Variants in PARD3B observed in about 807,000 individuals in gnomAD.
PARD3B encodes partitioning defective 3 homolog B.
PARD3B carries 103 observed loss-of-function variants against 130.2 expected under a neutral mutation model. The observed-to-expected ratio is 0.79, with a 90% CI of 0.67 to 0.93. The LOEUF (loss-of-function observed/expected upper bound fraction) is 0.93, where lower values mean the gene tolerates loss of function less well. PARD3B is among the 40% of genes least tolerant of loss of function. The pLI is 0.00. For synonymous variants in PARD3B, 583 were observed against 553.2 expected (o/e 1.05, Z -0.76); for missense variants, 1,609 against 1,499.2 (o/e 1.07, Z -1.21).
In PARD3B at chr2:205,575,625, A is replaced by G. The variant is rs1313442006; in HGVS notation, c.3260+22222A>G. 1.3e-5 allele frequency among the ~76,000 whole-genome samples: 2 copies of G among 152,072 alleles called. No individual in the cohort carries two copies. The highest frequency in any genetic ancestry group is 2.9e-5 in the Non-Finnish European group (2 of 68,008). On this transcript the variant is annotated intron_variant, in intron 22 of 22. Coordinates refer to ENST00000406610, the MANE Select transcript of PARD3B (RefSeq NM_001302769.2). The surrounding 1 kb of genome is among the most constrained non-coding windows in gnomAD (Gnocchi z 4.6). The stretch of plus-strand genomic sequence containing the variant: ...GTATGTCATATGCTTGGAATCACAC[A>G]GTATGTAGCCTTTTCAGATTGGCTT...
intron 1 of PARD3B, among the ~76,000 whole-genome samples, chr2:204,655,702 A>C (rs942034084): frequency 3.3e-5 from 5 of 152,152 alleles, no homozygotes; most frequent in African/African-American, 1.2e-4. Flanking sequence ...AGACATAGAA[A>C]TGTGTTTAAA....
intron 16 of PARD3B, among the ~76,000 whole-genome samples, chr2:205,249,163 G>A (rs1197205820): frequency 6.7e-6 from 1 of 148,710 alleles, no homozygotes; most frequent in Non-Finnish European, 1.5e-5. Context: ...GCATGTGTGT[G>A]GTGCCCGGCT....
At chr2:205,017,731 T>C (rs1382168550) in intron 3 of PARD3B, among the ~76,000 whole-genome samples, 2 of 152,152 alleles carry the variant, frequency 1.3e-5, no homozygotes, top group East Asian at 3.9e-4. Flanking sequence ...TTTGATAGCC[T>C]GAATGAAATG....
At chr2:205,154,809 C>T (rs1281574086) in intron 10 of PARD3B, among the ~76,000 whole-genome samples, 1 of 152,190 alleles carries the variant, frequency 6.6e-6, no homozygotes, top group East Asian at 1.9e-4. Flanking sequence ...GAAAACCACA[C>T]ACCGCATGTT....
rs1335433167 is a variant in PARD3B, at chr2:205,193,321, G to A, written c.2140+1G>A. On this transcript the variant is annotated splice_donor_variant, in intron 15 of 22. Coordinates refer to ENST00000406610, the MANE Select transcript of PARD3B (RefSeq NM_001302769.2). LOFTEE classifies it high-confidence loss of function. ...AAAGCCTCGAAGAGCATGGACCTTG[G>A]TAAGCAAGGGTGAGGTGACATCCAG... 1 of 1,588,528 alleles carries A rather than the reference G, an allele frequency of 6.3e-7. No individual in the cohort carries two copies. Among genetic ancestry groups the A allele is most frequent in the South Asian group, 1.1e-5 (1 of 90,524 alleles).
At chr2:205,302,733 G>A (rs2042054773) in intron 18 of PARD3B, among the ~76,000 whole-genome samples, 1 of 152,096 alleles carries the variant, frequency 6.6e-6, no homozygotes, top group South Asian at 2.1e-4. Context: ...ACCTCCAGAG[G>A]CACTGTGGTA....
chr2:205,444,058 CT>C (rs1482050897), intron 20 of PARD3B, among the ~76,000 whole-genome samples: 1 of 152,218 alleles, frequency 6.6e-6, no homozygotes, highest in African/African-American at 2.4e-5. Flanking sequence ...TGTCAGCTCA[CT>C]GCAACCTCTG....
chr2:204,878,632 A>G (rs1371360137), intron 2 of PARD3B, among the ~76,000 whole-genome samples: 1 of 152,208 alleles, frequency 6.6e-6, no homozygotes, highest in Admixed American at 6.5e-5. Context: ...GCTAATGGTG[A>G]TAAAGTGCCC....
chr2:204,740,723 T>G (rs973824951), intron 2 of PARD3B, among the ~76,000 whole-genome samples: 1 of 152,306 alleles, frequency 6.6e-6, no homozygotes, highest in East Asian at 1.9e-4. Context: ...AGCCTCCTCA[T>G]GTATCTTGGG....
At chr2:205,416,347 A>G (rs979842042) in intron 19 of PARD3B, among the ~76,000 whole-genome samples, 2 of 152,188 alleles carry the variant, frequency 1.3e-5, no homozygotes, top group African/African-American at 4.8e-5. Context: ...TCCTTAATGA[A>G]TTGGAAAAGT....
intron 2 of PARD3B, among the ~76,000 whole-genome samples, chr2:204,851,252 G>C (rs1267399222): frequency 2.0e-5 from 3 of 152,046 alleles, no homozygotes; most frequent in African/African-American, 7.2e-5. Context: ...AACAAAAATA[G>C]AAAATAATTC....
intron 1 of PARD3B, among the ~76,000 whole-genome samples, chr2:204,616,523 G>A (rs936737788): frequency 6.6e-6 from 1 of 152,120 alleles, no homozygotes; most frequent in Admixed American, 6.5e-5. Flanking sequence ...TGGTGGGAAC[G>A]CAAAATGAAA....
At chr2:205,365,507 G>T (rs1409202639) in intron 18 of PARD3B, among the ~76,000 whole-genome samples, 1 of 144,352 alleles carries the variant, frequency 6.9e-6, no homozygotes, top group Non-Finnish European at 1.5e-5. Flanking sequence ...CTTTCTCTCT[G>T]CCCTCCAAGT....
intron 2 of PARD3B, among the ~76,000 whole-genome samples, chr2:204,877,360 A>G (rs2045884562): frequency 6.6e-6 from 1 of 152,192 alleles, no homozygotes; most frequent in Non-Finnish European, 1.5e-5. Context: ...ACAAACCTGC[A>G]CGTTGTGCAC....
intron 4 of PARD3B, among the ~76,000 whole-genome samples, chr2:205,068,637 T>G (rs965882747): frequency 6.6e-6 from 1 of 152,104 alleles, no homozygotes; most frequent in African/African-American, 2.4e-5. Context: ...TATTTGTATT[T>G]TCTTGTTTTA....
intron 18 of PARD3B, among the ~76,000 whole-genome samples, chr2:205,381,576 G>A (rs2045451067): frequency 6.6e-6 from 1 of 151,814 alleles, no homozygotes; most frequent in African/African-American, 2.4e-5. Context: ...TGTTTGTACT[G>A]TTTTAGAGTA....
At position 205,253,455 on chromosome 2, in the gene PARD3B, T is replaced by C. The variant is rs1171752849; in HGVS notation, c.2185+7633T>C. 1 of 562,016 alleles carries C rather than the reference T, an allele frequency of 1.8e-6. No individual in the cohort carries two copies. The highest frequency in any genetic ancestry group is 1.9e-5 in the African/African-American group (1 of 52,820). 34.8% of individuals were successfully genotyped at this position (562,016 alleles called of 1,614,324 possible). Reference sequence around the variant, plus strand: ...GGATGGGAAGCCAGTATGGATCACCTTGTGGATGGATGCAAAGAGACCAAA... The same window carrying C: ...GGATGGGAAGCCAGTATGGATCACCCTGTGGATGGATGCAAAGAGACCAAA... On this transcript the variant is annotated intron_variant, in intron 16 of 22. Coordinates refer to ENST00000406610, the MANE Select transcript of PARD3B (RefSeq NM_001302769.2). The surrounding 1 kb of genome is among the most constrained non-coding windows in gnomAD (Gnocchi z 4.4).
chr2:205,013,051 C>G (rs1695849954), intron 3 of PARD3B, among the ~76,000 whole-genome samples: 1 of 152,222 alleles, frequency 6.6e-6, no homozygotes, highest in African/African-American at 2.4e-5. Context: ...TTCCTAGATT[C>G]TGACTTTGAC....
chr2:205,345,804 T>TA (rs58281541), intron 18 of PARD3B, among the ~76,000 whole-genome samples: 26,493 of 47,938 alleles, frequency 0.55, 9,628 homozygotes, highest in Admixed American at 0.72. Context: ...ACAGTGGCAA[T>TA]TATGATGCTT....
Sources: allele counts gnomAD v4.1 joint callset (sites outside exome capture counted in the v4.1 genomes callset), GRCh38; gene constraint gnomAD v4.1.1; non-coding constraint Gnocchi (gnomAD v3.1); transcripts MANE v1.5; gene names NCBI Gene and HGNC (gene_info 2026-07-23, HGNC 2026-07-21).